The following GRIP1 variants were observed in gnomAD, a reference collection of about 807,000 sequenced individuals.
GRIP1 encodes the protein glutamate receptor-interacting protein 1.
Under a neutral mutation model 129.9 loss-of-function variants are expected in GRIP1, and 45 were observed. That is an observed-to-expected ratio of 0.35 (90% CI 0.27 to 0.44). The LOEUF (loss-of-function observed/expected upper bound fraction) is 0.44, where lower values mean the gene tolerates loss of function less well. GRIP1 is among the 20% of genes least tolerant of loss of function. The pLI is 1.00. For missense variants in GRIP1, 1,196 were observed against 1,396.8 expected, an observed-to-expected ratio of 0.86 and a Z score of 2.29; for synonymous variants, 530 against 520.8, an observed-to-expected ratio of 1.02 and a Z score of -0.24.
intron 13 of GRIP1, among the ~76,000 whole-genome samples, chr12:66,435,202 A>ATTTTT (rs35281910): frequency 1.4e-5 from 2 of 139,454 alleles, no homozygotes; most frequent in Non-Finnish European, 1.5e-5. Flanking sequence ...ACGTGTGACC[A>ATTTTT]TTTTTTTTTT....
At position 66,586,661 on chromosome 12, in the gene GRIP1, T is replaced by C. The variant is rs138143556; in HGVS notation, c.136+10186A>G. Among the ~76,000 whole-genome samples the C allele has an allele frequency of 1.9e-3, 292 of 152,306 alleles. 2 individuals carry two copies. Among genetic ancestry groups the C allele is most frequent in the Non-Finnish European group, 9.1e-4 (62 of 68,014 alleles). On this transcript the variant is annotated intron_variant, in intron 2 of 24. Transcript: ENST00000359742. ...GTAAATGGCATCAGTATTTACCCAA[T>C]TGTTAAGAGCAAAAACCCTGGAATT...
At chr12:66,547,990 T>A (rs61007274) in intron 2 of GRIP1, among the ~76,000 whole-genome samples, 5,268 of 152,254 alleles carry the variant, frequency 0.035, 237 homozygotes, top group African/African-American at 0.099. Context: ...AAATTAGGAG[T>A]TTAATTTTTT....
Position 66,550,981 on chromosome 12 carries a change from T to A in GRIP1, c.137-9031A>T, listed in dbSNP as rs2062107403. 1.3e-5 allele frequency among the ~76,000 whole-genome samples: 2 copies of A among 152,324 alleles called. 1 individual carries two copies. Among genetic ancestry groups the A allele is most frequent in the South Asian group, 4.1e-4 (2 of 4,834 alleles). The stretch of plus-strand genomic sequence containing the variant: ...TTCCTTTGGAAAAACTTTCCATCTG[T>A]AATTTTCACTTGTAAGCTATTATAA... On this transcript the variant is annotated intron_variant, in intron 2 of 24. Transcript: ENST00000359742.
intron 1 of GRIP1, among the ~76,000 whole-genome samples, chr12:67,050,338 G>A (rs2043323050): frequency 1.3e-5 from 2 of 151,634 alleles, no homozygotes; most frequent in Non-Finnish European, 2.9e-5. Flanking sequence ...GGCCTGAAAT[G>A]AAGAAAAACA....
chr12:67,024,705 C>T (rs902047804), intron 1 of GRIP1, among the ~76,000 whole-genome samples: 2 of 152,114 alleles, frequency 1.3e-5, no homozygotes, highest in African/African-American at 4.8e-5. Context: ...CTCTTAGAAA[C>T]TTACAAAAGA....
chr12:66,369,134 G>A (rs2055324206), intron 23 of GRIP1, among the ~76,000 whole-genome samples: 1 of 152,156 alleles, frequency 6.6e-6, no homozygotes, highest in Non-Finnish European at 1.5e-5. Flanking sequence ...CATGGGACAT[G>A]TATGTATTGT....
At chr12:66,495,639 G>A (rs1384394992) in intron 7 of GRIP1, among the ~76,000 whole-genome samples, 1 of 152,006 alleles carries the variant, frequency 6.6e-6, no homozygotes, top group South Asian at 2.1e-4. Context: ...TAAAATTTAC[G>A]TGAGCCCCCC....
At position 66,392,399 on chromosome 12, in the gene GRIP1, G is replaced by A; in HGVS notation, c.2373C>T (p.Leu791=). ...GCACCGTGGAGGGGTACATGTCGGA[G>A]AGCTTGCCTGGCTTCTGTGCTGGTG... is the stretch of plus-strand genomic sequence containing the variant. ...DSSPAQKPGK[L]SDMYPSTVPS... The change falls in exon 19 of 25, where the codon CTC becomes CTT. Residue 791 remains leucine (L), a synonymous_variant. Transcript: ENST00000359742. The A allele has an allele frequency of 6.2e-7, 1 of 1,614,022 alleles. No homozygotes were observed. Among genetic ancestry groups the A allele is most frequent in the Non-Finnish European group, 8.5e-7 (1 of 1,179,898 alleles).
chr12:66,801,559 TA>T (rs1410957927), intron 1 of GRIP1, among the ~76,000 whole-genome samples: 4 of 152,148 alleles, frequency 2.6e-5, no homozygotes, highest in Non-Finnish European at 5.9e-5. Context: ...GGTGAAATTC[TA>T]AATCAGAACC....
At chr12:66,806,587 T>A (rs934268075), upstream of GRIP1, among the ~76,000 whole-genome samples, 3 of 152,202 alleles carry the variant, frequency 2.0e-5, no homozygotes, top group African/African-American at 7.2e-5. Flanking sequence ...GATGGTGCTT[T>A]ACTCTTTAAT....
chr12:66,874,866 G>A (rs756220587), intron 1 of GRIP1, among the ~76,000 whole-genome samples: 10 of 151,880 alleles, frequency 6.6e-5, no homozygotes, highest in Non-Finnish European at 1.3e-4. Flanking sequence ...TTTACCAAAC[G>A]TTCCACCATT....
Position 66,710,644 on chromosome 12 carries a change from A to G in GRIP1, c.-419-80308T>C, listed in dbSNP as rs546928273. ...TGAGTTAATGACCTTAAATACAAAG[A>G]AGAAATTCAACTCCCCCGCCCATCA... On this transcript the variant is annotated intron_variant, in intron 1 of 4. Coordinates refer to the GRIP1 transcript ENST00000538373. 2.0e-5 allele frequency among the ~76,000 whole-genome samples: 3 copies of G among 152,092 alleles called. No homozygotes were observed. In the South Asian group the frequency reaches 6.2e-4, roughly 32 times the overall value.
intron 1 of GRIP1, among the ~76,000 whole-genome samples, chr12:66,875,469 T>C (rs2040367577): frequency 6.6e-6 from 1 of 152,098 alleles, no homozygotes; most frequent in Non-Finnish European, 1.5e-5. Flanking sequence ...AGTTCCTTTG[T>C]GGTTGCTAGG....
chr12:66,701,212 T>A (rs377096523), intron 1 of GRIP1, among the ~76,000 whole-genome samples: 2 of 152,312 alleles, frequency 1.3e-5, no homozygotes, highest in East Asian at 3.9e-4. Context: ...CAAAGTGTTC[T>A]TCTGGGACTC....
chr12:66,391,340 C>T (rs2056577797), intron 19 of GRIP1, among the ~76,000 whole-genome samples: 2 of 152,194 alleles, frequency 1.3e-5, no homozygotes, highest in South Asian at 4.1e-4. Context: ...GAAGTTTTGA[C>T]ATACTTCTCT....
intron 2 of GRIP1, among the ~76,000 whole-genome samples, chr12:66,574,553 G>T (rs12819058): frequency 0.25 from 37,305 of 152,122 alleles, 4,715 homozygotes; most frequent in Admixed American, 0.28. Context: ...TACCTCATAC[G>T]TTTAACAGTT....
chr12:67,044,541 T>G (rs138785726), intron 1 of GRIP1, among the ~76,000 whole-genome samples: 1 of 152,338 alleles, frequency 6.6e-6, no homozygotes, highest in African/African-American at 2.4e-5. Context: ...AAAGCTACTG[T>G]GAAAATCTAG....
intron 1 of GRIP1, among the ~76,000 whole-genome samples, chr12:66,817,495 C>T (rs979328210): frequency 2.0e-5 from 3 of 152,062 alleles, no homozygotes; most frequent in Non-Finnish European, 4.4e-5. Context: ...CCATAACCTC[C>T]GCCTCCCAGA....
chr12:66,471,786 T>C (rs925678011), intron 7 of GRIP1, among the ~76,000 whole-genome samples: 4 of 152,186 alleles, frequency 2.6e-5, no homozygotes, highest in African/African-American at 9.7e-5. Flanking sequence ...GCAGAGGTAG[T>C]TTCCAACATC....
Sources: gnomAD v4.1 joint callset for allele counts (sites outside exome capture counted in the v4.1 genomes callset) on GRCh38, gnomAD v4.1.1 for gene constraint, MANE v1.5 for transcripts, NCBI Gene and HGNC (gene_info 2026-07-23, HGNC 2026-07-21) for gene names.